Variants in BMPER observed in about 807,000 individuals in gnomAD.
BMPER encodes BMP binding endothelial regulator, also known as BMP-binding endothelial regulator protein.
BMPER carries 45 observed loss-of-function variants against 87.3 expected under a neutral mutation model. The observed-to-expected ratio is 0.52, with a 90% CI of 0.41 to 0.66. The LOEUF (loss-of-function observed/expected upper bound fraction) is 0.66, where lower values mean the gene tolerates loss of function less well. Ranked by LOEUF, BMPER falls within the 30% of genes least tolerant of loss-of-function variation. The pLI is 0.00. For synonymous variants in BMPER, 326 were observed against 316.2 expected (o/e 1.03, Z -0.33); for missense variants, 784 against 867.5 (o/e 0.90, Z 1.21).
At chr7:34,122,592 A>G (rs1319036060) in intron 13 of BMPER, among the ~76,000 whole-genome samples, 1 of 152,206 alleles carries the variant, frequency 6.6e-6, no homozygotes, top group South Asian at 2.1e-4. Flanking sequence ...GAAGAAATGT[A>G]GACTCCTTTT....
intron 13 of BMPER, among the ~76,000 whole-genome samples, chr7:34,102,126 C>A (rs1204667012): frequency 1.6e-5 from 2 of 123,238 alleles, no homozygotes; most frequent in Non-Finnish European, 3.3e-5. Context: ...CATGAGGTCC[C>A]CCAGGTTTGC....
In BMPER at chr7:34,085,955, A is replaced by G. The variant is rs1335124034; in HGVS notation, c.1608A>G (p.Arg536=). 1.9e-6 allele frequency: 3 copies of G among 1,614,126 alleles called. No individual in the cohort carries two copies. ...WRVESNEFCN[R]PQRKPVPELC... ...TGGAGTCCAATGAGTTCTGCAACAG[A>G]CCTCAGAGAAAGCCAGTGCCTGAAC... The change falls in exon 13 of 15, where the codon AGA becomes AGG. Residue 536 remains arginine (R), a synonymous_variant. Coordinates refer to ENST00000649409, the MANE Select transcript of BMPER (RefSeq NM_001365308.1).
intron 3 of BMPER, among the ~76,000 whole-genome samples, chr7:33,949,148 T>A (rs1784959694): frequency 6.7e-6 from 1 of 149,008 alleles, no homozygotes; most frequent in South Asian, 2.1e-4. Flanking sequence ...CTCAACTCAA[T>A]TTTTTTTTTC....
At chr7:34,049,616 G>A (rs1258951404) in intron 7 of BMPER, among the ~76,000 whole-genome samples, 1 of 152,136 alleles carries the variant, frequency 6.6e-6, no homozygotes, top group East Asian at 1.9e-4. Flanking sequence ...GATTGGTGGA[G>A]GATGAAGCTT....
intron 6 of BMPER, among the ~76,000 whole-genome samples, chr7:34,025,220 A>G (rs1787325757): frequency 6.6e-6 from 1 of 152,090 alleles, no homozygotes; most frequent in Admixed American, 6.6e-5. Flanking sequence ...TGACCTTTTA[A>G]TCAAATGACT....
At chr7:34,044,400 A>G (rs75092666) in intron 6 of BMPER, among the ~76,000 whole-genome samples, 3,372 of 152,334 alleles carry the variant, frequency 0.022, 53 homozygotes, top group Non-Finnish European at 0.033. Flanking sequence ...CTGTGCACCT[A>G]CAAGAGGCCA....
Position 33,905,719 on chromosome 7 carries a change from A to C in BMPER, c.106A>C (p.Met36Leu), listed in dbSNP as rs368119843. The change falls in exon 1 of 15, where the codon ATG becomes CTG. Residue 36 changes from methionine (M) to leucine (L), a missense_variant. Met to Leu is a conservative substitution (Grantham distance 15, BLOSUM62 2). Transcript: ENST00000649409. ...GCTACTCAATTGCTCGGGGGTCCCC[A>C]TGTCTCTGGCTTCCTCCTTCTTGAC... ...LLLLNCSGVP[M>L]SLASSFLTGS... 3 of 1,444,320 alleles carry C rather than the reference A, an allele frequency of 2.1e-6. No individual in the cohort carries two copies. In the South Asian group the frequency reaches 3.4e-5, roughly 16 times the overall value. The allele number at this position is 1,444,320 out of a possible 1,614,324, so 89.5% of individuals were successfully genotyped here.
At chr7:34,023,355 T>C (rs959198753) in intron 6 of BMPER, among the ~76,000 whole-genome samples, 9 of 152,100 alleles carry the variant, frequency 5.9e-5, no homozygotes, top group African/African-American at 2.2e-4. Context: ...TTTAGCTTAC[T>C]CAGTGTGGGA....
chr7:34,133,266 G>A (rs184211262), intron 13 of BMPER, among the ~76,000 whole-genome samples: 1 of 152,154 alleles, frequency 6.6e-6, no homozygotes, highest in Admixed American at 6.5e-5. Context: ...GGGGCTGAAA[G>A]TTGAGTTGAT....
intron 13 of BMPER, among the ~76,000 whole-genome samples, chr7:34,137,368 T>C (rs1440579291): frequency 6.6e-6 from 1 of 152,254 alleles, no homozygotes. Flanking sequence ...ATGGAATTCA[T>C]GTCCTTCAGA....
In BMPER at chr7:33,906,798, T is replaced by C. The variant is rs1237392927; in HGVS notation, c.134-20T>C. ...GCTAAGCTAACTTTAAATGAAACAT[T>C]TTTCCCCCCTGAATTTCAGGTTCTG... On this transcript the variant is annotated intron_variant, in intron 1 of 14. Coordinates refer to ENST00000649409, the MANE Select transcript of BMPER (RefSeq NM_001365308.1). 24 of 1,602,020 alleles carry C rather than the reference T, an allele frequency of 1.5e-5. No homozygotes were observed. Among genetic ancestry groups the C allele is most frequent in the Middle Eastern group, 3.3e-4 (2 of 6,038 alleles).
intron 6 of BMPER, among the ~76,000 whole-genome samples, chr7:33,986,729 G>A (rs189504995): frequency 6.6e-5 from 10 of 152,214 alleles, no homozygotes; most frequent in South Asian, 2.1e-4. Context: ...GTGGGAGGAC[G>A]AGAATGGAAA....
chr7:33,921,800 A>C (rs1350495960), intron 2 of BMPER: 2 of 470,870 alleles, frequency 4.2e-6, no homozygotes, highest in African/African-American at 4.0e-5. Context: ...AGATGGAGCA[A>C]TCTGACACAA....
chr7:34,117,591 G>A (rs961950439), intron 13 of BMPER, among the ~76,000 whole-genome samples: 1 of 152,166 alleles, frequency 6.6e-6, no homozygotes, highest in Non-Finnish European at 1.5e-5. Context: ...CTCGAAGAAA[G>A]GTACCTAAAG....
intron 4 of BMPER, among the ~76,000 whole-genome samples, chr7:33,968,008 C>T (rs1785444945): frequency 6.6e-6 from 1 of 152,132 alleles, no homozygotes; most frequent in Non-Finnish European, 1.5e-5. Context: ...CACATTAAGC[C>T]ATTATCCATT....
chr7:34,070,816 C>CTTTTTTTTTTTTTT (rs60588204), intron 11 of BMPER, among the ~76,000 whole-genome samples: 1 of 119,502 alleles, frequency 8.4e-6, no homozygotes, highest in African/African-American at 3.1e-5. Flanking sequence ...AGCGGCAGAG[C>CTTTTTTTTTTTTTT]TTTTTTTTTT....
In BMPER at chr7:33,941,015, TA is replaced by T. The variant is rs1008366823; in HGVS notation, c.319+3628del. Among the ~76,000 whole-genome samples the T allele has an allele frequency of 1.9e-3, 258 of 135,388 alleles. 1 individual carries two copies. Among genetic ancestry groups the T allele is most frequent in the Non-Finnish European group, 3.0e-3 (193 of 64,862 alleles). 88.8% of individuals were successfully genotyped at this position (135,388 alleles called of 152,430 possible). ...ATTTATATATAATTTATATGTAATA[TA>T]TTTACATATAATTTATATATTTATA... On this transcript the variant is annotated intron_variant, in intron 3 of 14. Transcript: ENST00000649409.
intron 6 of BMPER, among the ~76,000 whole-genome samples, chr7:34,011,498 T>C (rs1786872987): frequency 1.4e-5 from 2 of 142,610 alleles, no homozygotes; most frequent in Non-Finnish European, 1.5e-5. Context: ...CCGCTGTCTA[T>C]GGAAGATGAG....
At chr7:34,053,162 TA>T (rs1413325092) in intron 8 of BMPER, among the ~76,000 whole-genome samples, 1 of 152,190 alleles carries the variant, frequency 6.6e-6, no homozygotes, top group Non-Finnish European at 1.5e-5. Flanking sequence ...GAGAGATGAT[TA>T]GGTAATACGT....
Sources: gnomAD v4.1 joint callset for allele counts (sites outside exome capture counted in the v4.1 genomes callset) on GRCh38, gnomAD v4.1.1 for gene constraint, MANE v1.5 for transcripts, NCBI Gene and HGNC (gene_info 2026-07-23, HGNC 2026-07-21) for gene names.